The following PTPN11 variants were observed in gnomAD, a reference collection of about 807,000 sequenced individuals.
PTPN11 encodes the protein protein tyrosine phosphatase non-receptor type 11, also known as tyrosine-protein phosphatase non-receptor type 11.
PTPN11 carries 6 observed loss-of-function variants against 78.8 expected under a neutral mutation model. The observed-to-expected ratio is 0.08, with a 90% confidence interval of 0.04 to 0.15. The LOEUF is 0.15. Ranked by LOEUF, PTPN11 falls within the 10% of genes least tolerant of loss-of-function variation. The pLI is 1.00. For synonymous variants in PTPN11, 221 were observed against 263.5 expected (o/e 0.84, Z 1.56); for missense variants, 386 against 744.8 (o/e 0.52, Z 5.61).
intron 1 of PTPN11, among the ~76,000 whole-genome samples, chr12:112,423,897 C>T (rs747897585): frequency 7.9e-5 from 12 of 151,784 alleles, no homozygotes; most frequent in Admixed American, 1.3e-4. Context: ...ACTACAGGCA[C>T]GTGGCATCAA....
intron 2 of PTPN11, among the ~76,000 whole-genome samples, chr12:112,446,813 GC>G (rs1353825147): frequency 1.3e-5 from 2 of 151,624 alleles, no homozygotes; most frequent in Non-Finnish European, 2.9e-5. Context: ...CTGGCCTCAA[GC>G]AATCCTGCCT....
rs1357711915 is a variant in PTPN11, at chr12:112,508,746, C to G, written c.*2954C>G. On this transcript the variant is annotated 3_prime_UTR_variant, in exon 16 of 16. Coordinates refer to ENST00000351677, the MANE Select transcript of PTPN11 (RefSeq NM_002834.5). ...AAAAAAACTAAAAGGCGCTTCATGT[C>G]CAGTGTGTGGCCCTTCTGAAACTTA... The G allele has an allele frequency of 6.6e-6, 1 of 152,078 alleles. No individual in the cohort carries two copies. Among genetic ancestry groups the G allele is most frequent in the Non-Finnish European group, 1.5e-5 (1 of 68,014 alleles). The allele number at this position is 152,078 out of a possible 1,614,324, so 9.4% of individuals were successfully genotyped here. A position where few individuals can be genotyped will look rare whatever the true frequency, so the allele number is the denominator to read the frequency against.
chr12:112,447,671 T>C (rs1334256257), intron 2 of PTPN11, among the ~76,000 whole-genome samples: 1 of 151,870 alleles, frequency 6.6e-6, no homozygotes, highest in Non-Finnish European at 1.5e-5. Context: ...AGCTAATTTT[T>C]GTATTTTTAG....
intron 1 of PTPN11, among the ~76,000 whole-genome samples, chr12:112,437,243 C>T (rs1171628585): frequency 6.6e-6 from 1 of 152,046 alleles, no homozygotes; most frequent in Non-Finnish European, 1.5e-5. Context: ...CTCTGCCTCC[C>T]GCCTCCCGGG....
intron 1 of PTPN11, among the ~76,000 whole-genome samples, chr12:112,420,504 C>T (rs1043404925): frequency 1.3e-5 from 2 of 152,022 alleles, no homozygotes; most frequent in Admixed American, 6.6e-5. Flanking sequence ...CCACTATGCC[C>T]GGCTAATTTT....
At chr12:112,463,139 A>T (rs904354712) in intron 6 of PTPN11, among the ~76,000 whole-genome samples, 1 of 152,148 alleles carries the variant, frequency 6.6e-6, no homozygotes, top group Non-Finnish European at 1.5e-5. Context: ...ATGATAGCTG[A>T]GTTGATCATT....
chr12:112,447,260 T>C (rs1380631889), intron 2 of PTPN11, among the ~76,000 whole-genome samples: 1 of 152,154 alleles, frequency 6.6e-6, no homozygotes, highest in Non-Finnish European at 1.5e-5. Context: ...GAGGAAGTTG[T>C]GGTCCCCTTT....
intron 11 of PTPN11, among the ~76,000 whole-genome samples, 159 bp from the exon 12 acceptor site, chr12:112,488,284 C>G (rs2038704588): frequency 6.6e-6 from 1 of 152,092 alleles, no homozygotes; most frequent in African/African-American, 2.4e-5. Context: ...CTCCAAAGCC[C>G]TATGCTTTTT....
rs2135912854 is a variant in PTPN11, at chr12:112,486,599, T to C, written c.1349T>C (p.Met450Thr). Residue 450 changes from methionine to threonine, a missense_variant, in exon 11 of 16, where the codon ATG (methionine) becomes ACG (threonine). Met to Thr is a moderately conservative substitution (Grantham distance 81, BLOSUM62 -1). Around this residue, in one of 3 missense-constraint regions of PTPN11, gnomAD observed 63 missense variants for 182.2 expected, o/e 0.35. Coordinates refer to ENST00000351677, the MANE Select transcript of PTPN11 (RefSeq NM_002834.5). ...EEVHHKQESI[M>T]DAGPVVVHCS... ...GTGCACCATAAGCAGGAGAGCATCA[T>C]GGATGCAGGGCCGGTCGTGGTGCAC... The C allele has an allele frequency of 7.4e-6, 12 of 1,613,550 alleles. No individual in the cohort carries two copies. The highest frequency in any genetic ancestry group is 1.0e-5 in the Non-Finnish European group (12 of 1,180,032).
chr12:112,445,168 G>A (rs576260234), intron 1 of PTPN11, among the ~76,000 whole-genome samples: 1 of 152,004 alleles, frequency 6.6e-6, no homozygotes, highest in Non-Finnish European at 1.5e-5. Context: ...GTCTTGCTCT[G>A]TCGCCCAGGC....
intron 6 of PTPN11, among the ~76,000 whole-genome samples, chr12:112,456,743 C>T (rs756619986): frequency 1.3e-5 from 2 of 149,652 alleles, no homozygotes; most frequent in Non-Finnish European, 3.0e-5. Flanking sequence ...TACAGGCACA[C>T]GATACCATGC....
chr12:112,454,813 CA>C, intron 5 of PTPN11, 133 bp downstream of exon 5: 1 of 580,622 alleles, frequency 1.7e-6, no homozygotes, highest in Non-Finnish European at 3.2e-6. Flanking sequence ...CTTCAACTAT[CA>C]AATCTTTTTT....
intron 1 of PTPN11, among the ~76,000 whole-genome samples, chr12:112,427,636 CAG>C (rs1162356697): frequency 6.6e-6 from 1 of 151,840 alleles, no homozygotes; most frequent in Non-Finnish European, 1.5e-5. Context: ...AAGGGATTGT[CAG>C]GGGCTGGCAG....
intron 6 of PTPN11, among the ~76,000 whole-genome samples, chr12:112,471,339 A>G (rs2135892435): frequency 6.7e-6 from 1 of 149,154 alleles, no homozygotes; most frequent in East Asian, 1.9e-4. Context: ...CCCATTAAAC[A>G]CTAGGCTTTT....
At chr12:112,436,844 T>C (rs183256053) in intron 1 of PTPN11, among the ~76,000 whole-genome samples, 26 of 152,226 alleles carry the variant, frequency 1.7e-4, no homozygotes, top group African/African-American at 6.3e-4. Context: ...GACCCTCAAA[T>C]TGCAAGTTAG....
At chr12:112,425,234 A>G (rs1369820784) in intron 1 of PTPN11, among the ~76,000 whole-genome samples, 1 of 152,066 alleles carries the variant, frequency 6.6e-6, no homozygotes, top group Non-Finnish European at 1.5e-5. Flanking sequence ...GAGACAACTG[A>G]AATGTTCATC....
intron 1 of PTPN11, among the ~76,000 whole-genome samples, chr12:112,440,086 A>G (rs958690630): frequency 6.6e-6 from 1 of 152,166 alleles, no homozygotes; most frequent in African/African-American, 2.4e-5. Context: ...AGTTGTCATT[A>G]CTTTTTGATT....
chr12:112,446,246 T>A, intron 1 of PTPN11, 30 bp from the exon 2 acceptor site: 2 of 1,613,304 alleles, frequency 1.2e-6, no homozygotes, highest in South Asian at 2.2e-5. Context: ...GTCTTGTTTT[T>A]TTATTACTTA....
intron 6 of PTPN11, among the ~76,000 whole-genome samples, chr12:112,465,130 T>A (rs2135884415): frequency 6.6e-6 from 1 of 152,170 alleles, no homozygotes; most frequent in East Asian, 1.9e-4. Context: ...TATTGCATGG[T>A]TGTATTGAAA....
Sources: gnomAD v4.1 joint callset for allele counts (sites outside exome capture counted in the v4.1 genomes callset) on GRCh38, gnomAD v4.1.1 for gene constraint, gnomAD v4.1.1 regional missense constraint, MANE v1.5 for transcripts, NCBI Gene and HGNC (gene_info 2026-07-23, HGNC 2026-07-21) for gene names.